The following EYA2 variants were observed in gnomAD, a reference collection of about 807,000 sequenced individuals.
EYA2 encodes EYA transcriptional coactivator and phosphatase 2.
In EYA2, 31 loss-of-function variants were observed where a neutral mutation model predicts 69.2. The observed-to-expected ratio is 0.45, with a 90% CI of 0.34 to 0.60. The LOEUF is 0.60. Ranked by LOEUF, EYA2 falls within the 20% of genes least tolerant of loss-of-function variation. The pLI is 0.02. For missense variants in EYA2, 622 were observed against 701.2 expected (o/e 0.89, Z 1.28); for synonymous variants, 257 against 279.4 (o/e 0.92, Z 0.80).
Position 46,978,253 on chromosome 20 carries a change from C to T in EYA2, c.-10-11748C>T, listed in dbSNP as rs527467704. Reference sequence around the variant, plus strand: ...AGTAGGGTCAGTCCCAGCCAAGCCACGTGGACTGAGAGTCATGGGGAGACC... The same window carrying T: ...AGTAGGGTCAGTCCCAGCCAAGCCATGTGGACTGAGAGTCATGGGGAGACC... On this transcript the variant is annotated intron_variant, in intron 1 of 15. Transcript: ENST00000327619. The T allele has an allele frequency of 3.4e-5, 8 of 238,094 alleles. 1 individual carries two copies. The highest frequency in any genetic ancestry group is 1.7e-4 in the South Asian group (3 of 17,574). 14.7% of individuals were successfully genotyped at this position (238,094 alleles called of 1,614,324 possible).
In EYA2 at chr20:47,183,273, C is replaced by T. The variant is rs1207024728; in HGVS notation, c.1436-18C>T. On this transcript the variant is annotated intron_variant, in intron 14 of 15. Coordinates refer to ENST00000327619, the MANE Select transcript of EYA2 (RefSeq NM_005244.5). ...GTCCTCACAGAGCGTTTTTTCTTTCCTTCCTGTGTGCGTGCAGGGAAGGAG... is the reference window on the plus strand; with the variant it reads ...GTCCTCACAGAGCGTTTTTTCTTTCTTTCCTGTGTGCGTGCAGGGAAGGAG... 1.2e-6 allele frequency: 2 copies of T among 1,610,156 alleles called. No individual in the cohort carries two copies. The highest frequency in any genetic ancestry group is 1.7e-5 in the Admixed American group (1 of 58,924).
chr20:47,033,359 C>G (rs947275387), intron 5 of EYA2, among the ~76,000 whole-genome samples: 6 of 152,186 alleles, frequency 3.9e-5, no homozygotes, highest in Non-Finnish European at 8.8e-5. Flanking sequence ...TGCAACTGCT[C>G]AACTCTGCCA....
At chr20:47,178,785 G>T (rs578128321) in intron 12 of EYA2, among the ~76,000 whole-genome samples, 1 of 142,996 alleles carries the variant, frequency 7.0e-6, no homozygotes, top group East Asian at 2.2e-4. Context: ...AGGTGGATGG[G>T]TGGATGGGTG....
intron 1 of EYA2, among the ~76,000 whole-genome samples, chr20:46,987,457 G>A (rs2036943274): frequency 6.6e-6 from 1 of 152,132 alleles, no homozygotes; most frequent in South Asian, 2.1e-4. Flanking sequence ...CATAGTCTGA[G>A]CCCCCCAGGT....
intron 1 of EYA2, among the ~76,000 whole-genome samples, chr20:46,987,250 T>C (rs1981290152): frequency 6.6e-6 from 1 of 152,188 alleles, no homozygotes; most frequent in African/African-American, 2.4e-5. Context: ...AGTGTTCCAA[T>C]AAAACTTTAC....
intron 9 of EYA2, among the ~76,000 whole-genome samples, chr20:47,115,084 G>A (rs375826296): frequency 2.0e-5 from 3 of 152,164 alleles, no homozygotes; most frequent in East Asian, 3.9e-4. Flanking sequence ...AGATACTTTC[G>A]GGCATGCCGA....
chr20:47,114,164 G>A (rs896985565), intron 9 of EYA2, among the ~76,000 whole-genome samples: 4 of 152,196 alleles, frequency 2.6e-5, no homozygotes, highest in East Asian at 1.9e-4. Flanking sequence ...ATCCCTGGGG[G>A]CAGGGCAGGT....
rs543733781 is a variant in EYA2 at position 46,960,862 on chromosome 20, T to C, written c.-10-29139T>C. ...CCTGCCATCCAAGCTGTGGGGCCCCTTCCCTGCTGGAGCAGCAGCACATCA... is the reference window on the plus strand; with the variant it reads ...CCTGCCATCCAAGCTGTGGGGCCCCCTCCCTGCTGGAGCAGCAGCACATCA... On this transcript the variant is annotated intron_variant, in intron 1 of 15. Coordinates refer to ENST00000327619, the MANE Select transcript of EYA2 (RefSeq NM_005244.5). 3.3e-4 allele frequency among the ~76,000 whole-genome samples: 49 copies of C among 150,402 alleles called. No homozygotes were observed. The South Asian group carries it at 9.9e-3, about 30-fold the overall frequency.
At chr20:46,930,044 G>A (rs1985599530) in intron 1 of EYA2, among the ~76,000 whole-genome samples, 2 of 152,268 alleles carry the variant, frequency 1.3e-5, no homozygotes, top group Admixed American at 6.5e-5. Context: ...AACAGAATAG[G>A]AGGAGCGTAA....
chr20:47,027,336 C>T (rs1387613490), intron 5 of EYA2, among the ~76,000 whole-genome samples: 2 of 152,218 alleles, frequency 1.3e-5, no homozygotes, highest in African/African-American at 4.8e-5. Context: ...TCTTGGCATC[C>T]TATGGGTTGT....
intron 10 of EYA2, among the ~76,000 whole-genome samples, chr20:47,157,052 A>G (rs927206484): frequency 1.3e-4 from 20 of 152,072 alleles, no homozygotes; most frequent in African/African-American, 4.3e-4. Context: ...GCAACGTGCA[A>G]CAACAGTAAT....
chr20:47,186,132 C>T (rs974112840), intron 15 of EYA2, among the ~76,000 whole-genome samples: 1 of 152,116 alleles, frequency 6.6e-6, no homozygotes, highest in African/African-American at 2.4e-5. Context: ...TGTTTCCTTC[C>T]TAGCACTTAC....
chr20:47,156,763 A>G (rs905731620), intron 10 of EYA2, among the ~76,000 whole-genome samples: 6 of 151,712 alleles, frequency 4.0e-5, no homozygotes, highest in Admixed American at 3.3e-4. Context: ...CAGGGAGTAG[A>G]CTCCTCTCTG....
At chr20:46,899,878 G>A (rs767641141) in intron 1 of EYA2, among the ~76,000 whole-genome samples, 2 of 152,184 alleles carry the variant, frequency 1.3e-5, no homozygotes, top group Admixed American at 6.5e-5. Context: ...GTGCCTGCTC[G>A]TGCATTTTTG....
chr20:46,925,720 A>C (rs1407150372), intron 1 of EYA2, among the ~76,000 whole-genome samples: 1 of 152,180 alleles, frequency 6.6e-6, no homozygotes, highest in Non-Finnish European at 1.5e-5. Flanking sequence ...TGTTAGGAGG[A>C]GTGTGTGTCA....
chr20:47,137,919 C>T (rs146744623), intron 9 of EYA2, among the ~76,000 whole-genome samples: 1,928 of 148,506 alleles, frequency 0.013, 45 homozygotes, highest in East Asian at 0.089. Context: ...TATTCTCACT[C>T]ATAGGTGGGA....
intron 9 of EYA2, among the ~76,000 whole-genome samples, chr20:47,126,883 C>T (rs1420606079): frequency 6.6e-6 from 1 of 152,150 alleles, no homozygotes; most frequent in African/African-American, 2.4e-5. Context: ...CAGGATGGAA[C>T]TACAACGTGG....
At chr20:47,018,318 C>A (rs1289682125) in intron 5 of EYA2, among the ~76,000 whole-genome samples, 2 of 150,434 alleles carry the variant, frequency 1.3e-5, no homozygotes, top group Non-Finnish European at 3.0e-5. Context: ...TTCATTCATT[C>A]ATTCCGTATG....
At chr20:47,047,430 G>A (rs1029743100) in intron 5 of EYA2, among the ~76,000 whole-genome samples, 2 of 148,300 alleles carry the variant, frequency 1.3e-5, no homozygotes, top group Admixed American at 6.8e-5. Context: ...TCCGTCACCC[G>A]GGTTGGAGTG....
Sources: allele counts gnomAD v4.1 joint callset (sites outside exome capture counted in the v4.1 genomes callset), GRCh38; gene constraint gnomAD v4.1.1; transcripts MANE v1.5; gene names NCBI Gene and HGNC (gene_info 2026-07-23, HGNC 2026-07-21).